The following THUMPD2 variants were observed in gnomAD, a reference collection of about 807,000 sequenced individuals.
THUMPD2 encodes THUMP domain 2 tRNA and snRNA guanosine methyltransferase, also known as U6 snRNA (guanine-N(2))-methyltransferase THUMPD2.
A neutral mutation model predicts 49.4 loss-of-function variants in THUMPD2; 56 were observed. The ratio of observed to expected loss-of-function variants is 1.13; its 90% CI spans 0.91 to 1.41. The LOEUF (loss-of-function observed/expected upper bound fraction) is 1.41. THUMPD2 is among the 40% of genes most tolerant of loss of function. THUMPD2 has a pLI of 0.00. For synonymous variants in THUMPD2, 237 were observed against 205.2 expected (o/e 1.15, Z -1.32); for missense variants, 709 against 594.5 (o/e 1.19, Z -2.00).
At chr2:39,753,961 C>A (rs934709614) in intron 8 of THUMPD2, among the ~76,000 whole-genome samples, 1 of 152,070 alleles carries the variant, frequency 6.6e-6, no homozygotes, top group Non-Finnish European at 1.5e-5. Flanking sequence ...TTAAAAAGCA[C>A]ACACACACAA....
intron 9 of THUMPD2, among the ~76,000 whole-genome samples, chr2:39,737,892 G>GGTGA (rs1339938182): frequency 3.3e-5 from 5 of 152,150 alleles, no homozygotes; most frequent in Non-Finnish European, 7.3e-5. Context: ...TCAGTGGGTG[G>GGTGA]GTGAGTCACA....
In THUMPD2 at chr2:39,755,944, A is replaced by T. The variant is rs2148264928; in HGVS notation, c.908T>A (p.Leu303Ter). Residue 303 changes from leucine (L) to a stop codon, truncating the protein, a stop_gained, in exon 7 of 10, where the codon TTA (leucine) becomes TAA (stop). Transcript: ENST00000505747. LOFTEE classifies it high-confidence loss of function. Reference sequence around the variant, plus strand: ...TGTTCCAAGTCCACACATTGGATCTAAAACAAATGCACCAGCCTGCAGACA... The same window carrying T: ...TGTTCCAAGTCCACACATTGGATCTTAAACAAATGCACCAGCCTGCAGACA... Reference protein sequence around the residue: ...LADIKAGAFVLDPMCGLGTIL... With the variant: ...LADIKAGAFV The T allele has an allele frequency of 6.2e-7, 1 of 1,613,846 alleles. No individual in the cohort carries two copies. The highest frequency in any genetic ancestry group is 2.2e-5 in the East Asian group (1 of 44,824).
chr2:39,740,402 C>T (rs1483178496), intron 9 of THUMPD2, among the ~76,000 whole-genome samples: 1 of 152,126 alleles, frequency 6.6e-6, no homozygotes, highest in Non-Finnish European at 1.5e-5. Context: ...ACATTAAGGA[C>T]AATCCTATTT....
intron 1 of THUMPD2, 51 bp downstream of exon 1, chr2:39,779,063 G>T: frequency 6.9e-7 from 1 of 1,455,026 alleles, no homozygotes. Flanking sequence ...TGGGCAACAG[G>T]GCAGGGACAG....
intron 6 of THUMPD2, among the ~76,000 whole-genome samples, chr2:39,759,953 A>G (rs551228403): frequency 6.3e-4 from 96 of 152,364 alleles, no homozygotes; most frequent in African/African-American, 2.3e-3. Flanking sequence ...GGCCTCAAAC[A>G]GGGCAAGACA....
intron 1 of THUMPD2, among the ~76,000 whole-genome samples, chr2:39,778,422 T>G (rs1037251103): frequency 7.9e-5 from 12 of 152,220 alleles, no homozygotes; most frequent in African/African-American, 2.9e-4. Context: ...GGGGTTAATT[T>G]CATTTAGGAA....
intron 5 of THUMPD2, among the ~76,000 whole-genome samples, chr2:39,764,794 A>G (rs1211760480): frequency 1.3e-5 from 2 of 152,142 alleles, no homozygotes; most frequent in Middle Eastern, 3.2e-3. Context: ...TCCTTCCTAC[A>G]CTGAGGTAGT....
At chr2:39,738,878 G>A (rs1295731557) in intron 9 of THUMPD2, among the ~76,000 whole-genome samples, 1 of 151,932 alleles carries the variant, frequency 6.6e-6, no homozygotes, top group Non-Finnish European at 1.5e-5. Flanking sequence ...ATTATTTCAA[G>A]AAGTTCAGCT....
In THUMPD2 at chr2:39,769,974, T is replaced by C. The variant is rs752641481; in HGVS notation, c.408A>G (p.Lys136=). 1 of 1,581,212 alleles carries C rather than the reference T, an allele frequency of 6.3e-7. No homozygotes were observed. The highest frequency in any genetic ancestry group is 8.5e-7 in the Non-Finnish European group (1 of 1,171,234). Residue 136 remains lysine, a synonymous_variant, in exon 3 of 10, where the codon AAA becomes AAG. Transcript: ENST00000505747. ...SQRDDNQLKR[K]VGENEIIAKK... ...TTGCAATGATTTCATTTTCTCCCACTTTTCTTTTTAGTTGGTTATCATCTC... is the reference window on the plus strand; with the variant it reads ...TTGCAATGATTTCATTTTCTCCCACCTTTCTTTTTAGTTGGTTATCATCTC...
At chr2:39,758,284 A>C (rs1676389604) in intron 6 of THUMPD2, among the ~76,000 whole-genome samples, 1 of 152,222 alleles carries the variant, frequency 6.6e-6, no homozygotes, top group East Asian at 1.9e-4. Flanking sequence ...TAAACATTTA[A>C]ATCAAACAAA....
chr2:39,761,270 C>T, intron 6 of THUMPD2, 61 bp downstream of exon 6: 3 of 1,407,172 alleles, frequency 2.1e-6, no homozygotes, highest in South Asian at 2.3e-5. Context: ...CAATAAGAGA[C>T]TGTATAAGTT....
chr2:39,765,254 G>A lies in THUMPD2; in HGVS notation c.803+803C>T, dbSNP rs995414041. Among the ~76,000 whole-genome samples, 4 of 152,034 alleles carry A rather than the reference G, an allele frequency of 2.6e-5. No homozygotes were observed. In the South Asian group the frequency reaches 8.3e-4, roughly 32 times the overall value. On this transcript the variant is annotated intron_variant, in intron 5 of 9. Transcript: ENST00000505747. The stretch of plus-strand genomic sequence containing the variant: ...GGCTCATGGCCACCTCCGCCTCCTG[G>A]GTTCAAGTGATTCTCCTGCCTCAGC...
chr2:39,744,932 G>A (rs1396195869), intron 8 of THUMPD2, among the ~76,000 whole-genome samples: 1 of 152,054 alleles, frequency 6.6e-6, no homozygotes, highest in Non-Finnish European at 1.5e-5. Flanking sequence ...GAATTTGGAA[G>A]GTTAAGAATA....
chr2:39,753,384 T>G (rs1365160635), intron 8 of THUMPD2, among the ~76,000 whole-genome samples: 1 of 152,188 alleles, frequency 6.6e-6, no homozygotes, highest in Non-Finnish European at 1.5e-5. Context: ...CTTTACCAGA[T>G]GCTCACCTTC....
intron 6 of THUMPD2, among the ~76,000 whole-genome samples, chr2:39,760,925 G>T (rs1031346968): frequency 7.2e-5 from 11 of 152,088 alleles, no homozygotes; most frequent in African/African-American, 2.4e-4. Flanking sequence ...GAAACACACA[G>T]TAAGTAAAAA....
At chr2:39,754,969 T>A (rs769999635) in intron 8 of THUMPD2, among the ~76,000 whole-genome samples, 1 of 152,252 alleles carries the variant, frequency 6.6e-6, no homozygotes, top group Non-Finnish European at 1.5e-5. Flanking sequence ...ATTATTACAC[T>A]GCTTTCTTTA....
chr2:39,774,435 TA>T (rs966780374), intron 1 of THUMPD2, among the ~76,000 whole-genome samples: 1 of 152,216 alleles, frequency 6.6e-6, no homozygotes, highest in African/African-American at 2.4e-5. Flanking sequence ...TAGCCTATGG[TA>T]AAAATGATTT....
At chr2:39,761,718 C>T (rs1422740683) in intron 5 of THUMPD2, among the ~76,000 whole-genome samples, 23 of 152,132 alleles carry the variant, frequency 1.5e-4, no homozygotes. Flanking sequence ...TCTTATACTT[C>T]CCTGTCTTCC....
chr2:39,770,329 C>T (rs1218398807), intron 2 of THUMPD2, among the ~76,000 whole-genome samples: 1 of 152,012 alleles, frequency 6.6e-6, no homozygotes, highest in East Asian at 1.9e-4. Context: ...GCATATATAG[C>T]ATCCGTATTG....
Sources: allele counts gnomAD v4.1 joint callset (sites outside exome capture counted in the v4.1 genomes callset), GRCh38; gene constraint gnomAD v4.1.1; transcripts MANE v1.5; gene names NCBI Gene and HGNC (gene_info 2026-07-23, HGNC 2026-07-21).